Variants in CCDC88C observed in about 807,000 individuals in gnomAD.
The protein encoded by CCDC88C is protein Daple.
In CCDC88C, 131 loss-of-function variants were observed where a neutral mutation model predicts 198.8. The ratio of observed to expected loss-of-function variants is 0.66; its 90% confidence interval spans 0.57 to 0.76. The LOEUF is 0.76. Ranked by LOEUF, CCDC88C falls within the 30% of genes least tolerant of loss-of-function variation. The pLI is 0.00. For synonymous variants in CCDC88C, 1,166 were observed against 1,114.7 expected (o/e 1.05, Z -0.92); for missense variants, 2,553 against 2,631.6 (o/e 0.97, Z 0.65).
intron 3 of CCDC88C, among the ~76,000 whole-genome samples, 168 bp from the exon 4 acceptor site, chr14:91,359,879 C>T (rs576392737): frequency 3.2e-4 from 48 of 152,098 alleles, no homozygotes; most frequent in Non-Finnish European, 6.2e-4. Flanking sequence ...CAAACAAACA[C>T]GAAAGCCAAA....
intron 12 of CCDC88C, 36 bp downstream of exon 12, chr14:91,324,743 G>C (rs769464037): frequency 1.2e-6 from 2 of 1,603,730 alleles, no homozygotes; most frequent in Non-Finnish European, 1.7e-6. Flanking sequence ...CGGCGGCCAC[G>C]GCCAGGCTGG....
intron 27 of CCDC88C, among the ~76,000 whole-genome samples, chr14:91,280,171 G>A (rs1350496501): frequency 6.6e-6 from 1 of 152,204 alleles, no homozygotes; most frequent in South Asian, 2.1e-4. Context: ...GGCAGGGATG[G>A]CATTTCAGTT....
rs114729273 is a variant in CCDC88C at position 91,399,894 on chromosome 14, T to A, written c.270+8765A>T. On this transcript the variant is annotated intron_variant, in intron 3 of 29. Transcript: ENST00000389857. The stretch of plus-strand genomic sequence containing the variant: ...GAAGTAGTTGAGATCCCTAAGCACC[T>A]AAGCACAGCCTGGAGCCTCACCCCC... Among the ~76,000 whole-genome samples the A allele has an allele frequency of 2.9e-3, 437 of 148,222 alleles. 2 individuals are homozygous for A. The highest frequency in any genetic ancestry group is 0.01 in the African/African-American group (419 of 40,480).
At chr14:91,336,446 G>A (rs1285066560) in intron 10 of CCDC88C, among the ~76,000 whole-genome samples, 1 of 152,232 alleles carries the variant, frequency 6.6e-6, no homozygotes. Context: ...GGCTGCATGA[G>A]GTCCCCTATG....
Position 91,279,222 on chromosome 14 carries a change from G to A in CCDC88C, c.4768+16C>T. ...CCAAATCAATTTTTAAAAGTACACAGAAGCACAAGACTTACCTTTTAGGTT... is the reference window on the plus strand; with the variant it reads ...CCAAATCAATTTTTAAAAGTACACAAAAGCACAAGACTTACCTTTTAGGTT... On this transcript the variant is annotated intron_variant, in intron 28 of 29. Coordinates refer to ENST00000389857, the MANE Select transcript of CCDC88C (RefSeq NM_001080414.4). 1 of 1,576,400 alleles carries A rather than the reference G, an allele frequency of 6.3e-7. No individual in the cohort carries two copies. The highest frequency in any genetic ancestry group is 1.2e-5 in the South Asian group (1 of 86,354).
In CCDC88C at chr14:91,371,992, C is replaced by T. The variant is rs777148117; in HGVS notation, c.271-12281G>A. On this transcript the variant is annotated intron_variant, in intron 3 of 29. Coordinates refer to ENST00000389857, the MANE Select transcript of CCDC88C (RefSeq NM_001080414.4). This position sits in a 1 kb window ranked among gnomAD's most constrained non-coding sequence, Gnocchi z 4.2. ...TGGGGGCAGCCAGCCCCCAACCTCA[C>T]GCCCCAACCTGAGCCCAGGCCTCAG... 1.3e-5 allele frequency among the ~76,000 whole-genome samples: 2 copies of T among 152,188 alleles called. No homozygotes were observed. The highest frequency in any genetic ancestry group is 2.9e-5 in the Non-Finnish European group (2 of 68,026).
intron 3 of CCDC88C, among the ~76,000 whole-genome samples, chr14:91,370,418 GTAACC>G (rs1894738976): frequency 6.6e-6 from 1 of 152,190 alleles, no homozygotes; most frequent in South Asian, 2.1e-4. Context: ...GATGTTTCAA[GTAACC>G]CCAGGAGCTC....
At chr14:91,334,742 C>T (rs564353465) in intron 10 of CCDC88C, among the ~76,000 whole-genome samples, 25 of 152,302 alleles carry the variant, frequency 1.6e-4, no homozygotes, top group East Asian at 7.7e-4. Context: ...ATCAAGGTAA[C>T]GCCGGGCCTT....
At chr14:91,363,750 T>C (rs2139912153) in intron 3 of CCDC88C, among the ~76,000 whole-genome samples, 1 of 152,376 alleles carries the variant, frequency 6.6e-6, no homozygotes, top group South Asian at 2.1e-4. Context: ...CTCCAGGCCC[T>C]GAAGGCCACA....
intron 18 of CCDC88C, among the ~76,000 whole-genome samples, chr14:91,306,759 T>A (rs1241315714): frequency 6.6e-6 from 1 of 152,214 alleles, no homozygotes; most frequent in Non-Finnish European, 1.5e-5. Context: ...AGGTGGGGGC[T>A]GGAGTTTCCC....
At chr14:91,370,757 A>T (rs1375885513) in intron 3 of CCDC88C, among the ~76,000 whole-genome samples, 1 of 152,176 alleles carries the variant, frequency 6.6e-6, no homozygotes, top group African/African-American at 2.4e-5. Context: ...AGGTGGACAC[A>T]TCCGTGCATA....
In CCDC88C at chr14:91,328,635, C is replaced by T. The variant is rs941799625; in HGVS notation, c.1051-2579G>A. ...TGCGACTTGGGGCAGTGATTAGGCA[C>T]GGGAGCTAACGGGCCCCGATTCCCA... On this transcript the variant is annotated intron_variant, in intron 10 of 29. Transcript: ENST00000389857. Among the ~76,000 whole-genome samples the T allele has an allele frequency of 7.9e-5, 12 of 152,296 alleles. No individual in the cohort carries two copies. In the South Asian group the frequency reaches 1.4e-3, roughly 18 times the overall value.
intron 2 of CCDC88C, among the ~76,000 whole-genome samples, chr14:91,411,931 C>T (rs1886813021): frequency 6.7e-6 from 1 of 149,816 alleles, no homozygotes; most frequent in Non-Finnish European, 1.5e-5. Context: ...CCACTACACT[C>T]CAGCCTGTGC....
intron 3 of CCDC88C, among the ~76,000 whole-genome samples, chr14:91,385,261 A>C (rs1349729120): frequency 6.6e-6 from 1 of 151,952 alleles, no homozygotes; most frequent in Non-Finnish European, 1.5e-5. Context: ...GGGCCCCAAC[A>C]CACCTTTCCA....
At chr14:91,302,371 T>C (rs1169387383) in intron 20 of CCDC88C, among the ~76,000 whole-genome samples, 1 of 152,196 alleles carries the variant, frequency 6.6e-6, no homozygotes, top group Non-Finnish European at 1.5e-5. Flanking sequence ...TCTTTAGCCA[T>C]GTCTCTCTCA....
chr14:91,280,675 TG>T (rs1007188617), intron 27 of CCDC88C, among the ~76,000 whole-genome samples: 1 of 152,186 alleles, frequency 6.6e-6, no homozygotes, highest in African/African-American at 2.4e-5. Context: ...CAAATCTGGC[TG>T]CTCAGGGAGA....
chr14:91,305,494 G>A (rs2139785627), intron 19 of CCDC88C, among the ~76,000 whole-genome samples: 1 of 152,226 alleles, frequency 6.6e-6, no homozygotes, highest in East Asian at 1.9e-4. Context: ...GGAAAAGACT[G>A]GAAAACATGG....
At chr14:91,293,571 C>A (rs74086363) in intron 23 of CCDC88C, among the ~76,000 whole-genome samples, 1 of 28,104 alleles carries the variant, frequency 3.6e-5, no homozygotes, top group African/African-American at 1.6e-4. Context: ...TGCCACGGCC[C>A]ACCTTCCTGT....
intron 3 of CCDC88C, among the ~76,000 whole-genome samples, chr14:91,363,370 C>G (rs1894395387): frequency 6.6e-6 from 1 of 152,018 alleles, no homozygotes; most frequent in Non-Finnish European, 1.5e-5. Flanking sequence ...CTCGGCCTTC[C>G]AAAGTGCTAG....
Sources: allele counts gnomAD v4.1 joint callset (sites outside exome capture counted in the v4.1 genomes callset), GRCh38; gene constraint gnomAD v4.1.1; non-coding constraint Gnocchi (gnomAD v3.1); transcripts MANE v1.5; gene names NCBI Gene and HGNC (gene_info 2026-07-23, HGNC 2026-07-21).